PHF24: variants seen among roughly 807,000 people sequenced by gnomAD.
PHF24 encodes Galpha inhibitory interacting protein.
Under a neutral mutation model 42.6 loss-of-function variants are expected in PHF24, and 25 were observed. The observed-to-expected ratio is 0.59, with a 90% confidence interval of 0.43 to 0.82. PHF24 has a LOEUF of 0.82. PHF24 is among the 40% of genes least tolerant of loss of function. The pLI, the probability that PHF24 is intolerant of heterozygous loss-of-function variation, is 0.00. For synonymous variants in PHF24, 185 were observed against 204.8 expected (o/e 0.90, Z 0.83); for missense variants, 470 against 538.1 (o/e 0.87, Z 1.25).
At chr9:34,782,240 G>T in the PHF24 span, among the ~76,000 whole-genome samples, 1 of 152,194 alleles carries the variant, frequency 6.6e-6, no homozygotes, top group African/African-American at 2.4e-5. Flanking sequence ...CCTGAAAAAT[G>T]AGAGCAAGAC....
chr9:34,866,562 C>T, the PHF24 span, among the ~76,000 whole-genome samples: 1 of 152,144 alleles, frequency 6.6e-6, no homozygotes, highest in African/African-American at 2.4e-5. Flanking sequence ...AAAAAAAATG[C>T]AGAATGCATA....
At chr9:34,749,263 G>A in the PHF24 span, among the ~76,000 whole-genome samples, 1 of 152,096 alleles carries the variant, frequency 6.6e-6, no homozygotes, top group East Asian at 1.9e-4. Context: ...TCTGAAAGAG[G>A]CGATAGAGAG....
At chr9:34,892,651 C>T in the PHF24 span, 1 of 458,910 alleles carries the variant, frequency 2.2e-6, no homozygotes, top group South Asian at 6.0e-5. Context: ...TATTCAAGGG[C>T]TGCTGACCTT....
chr9:34,719,019 C>A, the PHF24 span, among the ~76,000 whole-genome samples: 1 of 152,176 alleles, frequency 6.6e-6, no homozygotes, highest in African/African-American at 2.4e-5. Flanking sequence ...ACCCCCAAAC[C>A]TGAAGTAGTA....
chr9:34,680,712 A>AT, the PHF24 span, among the ~76,000 whole-genome samples: 30 of 100,330 alleles, frequency 3.0e-4, no homozygotes, highest in African/African-American at 9.9e-4. Context: ...ATAAATAAAA[A>AT]AAAAAATAAA....
At chr9:34,917,624 C>T in the PHF24 span, 11 of 776,464 alleles carry the variant, frequency 1.4e-5, no homozygotes, top group African/African-American at 1.7e-4. Context: ...CTTTGGTTGG[C>T]CTTCCAGTGG....
At chr9:34,783,725 T>C in the PHF24 span, among the ~76,000 whole-genome samples, 1 of 152,352 alleles carries the variant, frequency 6.6e-6, no homozygotes, top group East Asian at 1.9e-4. Flanking sequence ...TATTATTTCC[T>C]ACAGATTACA....
At chr9:34,847,995 G>A in the PHF24 span, among the ~76,000 whole-genome samples, 3 of 152,024 alleles carry the variant, frequency 2.0e-5, no homozygotes, top group East Asian at 3.9e-4. Context: ...TGCTGGATTC[G>A]GTTTGCCAGT....
the PHF24 span, among the ~76,000 whole-genome samples, chr9:34,881,775 C>G: frequency 6.6e-6 from 1 of 151,932 alleles, no homozygotes; most frequent in Non-Finnish European, 1.5e-5. Context: ...CCAAATTCTA[C>G]CAGAGGTACA....
At chr9:34,709,191 G>A in the PHF24 span, 10 of 654,662 alleles carry the variant, frequency 1.5e-5, no homozygotes, top group Non-Finnish European at 2.4e-5. Context: ...TCTGGACCTG[G>A]CCTGCTGTGG....
chr9:34,834,830 G>T, the PHF24 span: 2 of 1,539,196 alleles, frequency 1.3e-6, no homozygotes. Flanking sequence ...AAGTGGGGAA[G>T]AGGGTGGGGC....
the PHF24 span, among the ~76,000 whole-genome samples, chr9:34,696,046 A>G: frequency 6.6e-6 from 1 of 152,224 alleles, no homozygotes; most frequent in Non-Finnish European, 1.5e-5. Flanking sequence ...AAGTCAAGAC[A>G]TTAGGAGATA....
At chr9:34,896,558 G>T in the PHF24 span, among the ~76,000 whole-genome samples, 2 of 152,162 alleles carry the variant, frequency 1.3e-5, no homozygotes, top group Non-Finnish European at 2.9e-5. Flanking sequence ...TCATGGAGAT[G>T]AGTTATTGGC....
At chr9:34,820,587 A>G in the PHF24 span, among the ~76,000 whole-genome samples, 1 of 152,178 alleles carries the variant, frequency 6.6e-6, no homozygotes, top group Admixed American at 6.5e-5. Flanking sequence ...ATGGCTGCGT[A>G]GTATTCCATG....
chr9:34,729,392 T>C, the PHF24 span: 29 of 1,551,136 alleles, frequency 1.9e-5, no homozygotes, highest in African/African-American at 4.0e-4. Flanking sequence ...ATAAGGGATA[T>C]CCAACTTCCC....
At chr9:34,925,534 CTTCT>C in the PHF24 span, among the ~76,000 whole-genome samples, 1 of 151,978 alleles carries the variant, frequency 6.6e-6, no homozygotes, top group Non-Finnish European at 1.5e-5. Context: ...AGTAGGCTTT[CTTCT>C]TTCTTCTGCT....
At chr9:34,972,913 G>GA (rs141298768) in intron 3 of PHF24, among the ~76,000 whole-genome samples, 35,244 of 78,226 alleles carry the variant, frequency 0.45, 8,213 homozygotes, top group Non-Finnish European at 0.57. Flanking sequence ...ACTCTGTCTC[G>GA]AAAAAAAAAA....
the PHF24 span, among the ~76,000 whole-genome samples, chr9:34,870,926 TG>T: frequency 6.6e-6 from 1 of 152,234 alleles, no homozygotes; most frequent in Admixed American, 6.5e-5. Context: ...ATGTGGTTTT[TG>T]TGTGGCTATA....
chr9:34,923,043 G>GTT, the PHF24 span: 3 of 359,552 alleles, frequency 8.3e-6, no homozygotes, highest in Non-Finnish European at 1.4e-5. Context: ...TTTAAGTTTT[G>GTT]TTTTTGTTTT....
Sources: gnomAD v4.1 joint callset for allele counts (sites outside exome capture counted in the v4.1 genomes callset) on GRCh38, gnomAD v4.1.1 for gene constraint, MANE v1.5 for transcripts, NCBI Gene and HGNC (gene_info 2026-07-23, HGNC 2026-07-21) for gene names.